Variants in TENM1 observed in about 807,000 individuals in gnomAD.
The protein encoded by TENM1 is teneurin-1.
A neutral mutation model predicts 174.8 loss-of-function variants in TENM1; 35 were observed. The observed-to-expected ratio is 0.20, with a 90% CI of 0.15 to 0.27. The LOEUF is 0.27. Among genes scored for constraint, TENM1 ranks in the 10% least tolerant of loss-of-function variants. TENM1 has a pLI of 1.00. For synonymous variants in TENM1, 781 were observed against 798.7 expected (o/e 0.98, Z 0.37); for missense variants, 1,633 against 2,130.1 (o/e 0.77, Z 4.59).
chrX:125,052,567 C>A, the TENM1 span, among the ~76,000 whole-genome samples: 1 of 111,702 alleles, frequency 9.0e-6, no homozygotes, highest in African/African-American at 3.2e-5. Flanking sequence ...GCCACACAAC[C>A]AAATATCTAA....
At chrX:125,098,425 TA>T in the TENM1 span, among the ~76,000 whole-genome samples, 2 of 112,099 alleles carry the variant, frequency 1.8e-5, no homozygotes, top group East Asian at 5.6e-4. Context: ...AATTTACTTT[TA>T]AATAGCATTG....
chrX:124,714,221 A>T (rs1050368125), intron 4 of TENM1, among the ~76,000 whole-genome samples: 1 of 111,493 alleles, frequency 9.0e-6, no homozygotes, highest in South Asian at 3.8e-4. Context: ...AGGTTACACA[A>T]TTGGTAAAAG....
At chrX:125,159,492 T>C in the TENM1 span, among the ~76,000 whole-genome samples, 2 of 112,047 alleles carry the variant, frequency 1.8e-5, no homozygotes. Flanking sequence ...CAGTAACCAA[T>C]AGATCAGCCC....
chrX:124,786,136 T>C (rs1028834286), intron 3 of TENM1, among the ~76,000 whole-genome samples: 3 of 111,571 alleles, frequency 2.7e-5, no homozygotes, highest in African/African-American at 9.7e-5. Flanking sequence ...ACTATGATAT[T>C]ATCTTATTTG....
At chrX:124,954,289 A>T (rs764120659) in intron 1 of TENM1, among the ~76,000 whole-genome samples, 9 of 110,509 alleles carry the variant, frequency 8.1e-5, no homozygotes, top group Non-Finnish European at 1.7e-4. Flanking sequence ...GGAAAGAGGG[A>T]GTTTTACAGA....
Position 124,588,942 on chromosome X carries a change from A to T in TENM1, c.2078-23382T>A, listed in dbSNP as rs1016284379. On this transcript the variant is annotated intron_variant, in intron 11 of 31. Coordinates refer to ENST00000422452, the Ensembl canonical transcript of TENM1. Reference sequence around the variant, plus strand: ...TAGCACTTATAGTACTATGTTAAATAGGAGTGGTGAGAGTGGGCATCCTTG... The same window carrying T: ...TAGCACTTATAGTACTATGTTAAATTGGAGTGGTGAGAGTGGGCATCCTTG... Among the ~76,000 whole-genome samples the T allele has an allele frequency of 2.7e-5, 3 of 110,752 alleles. No individual in the cohort carries two copies. The South Asian group carries it at 1.2e-3, about 44-fold the overall frequency.
chrX:124,788,225 G>T (rs1207971155), intron 3 of TENM1, among the ~76,000 whole-genome samples: 1 of 110,769 alleles, frequency 9.0e-6, no homozygotes, highest in South Asian at 3.9e-4. Context: ...ACATAAACTA[G>T]CAGGAAAGAC....
chrX:125,034,184 A>G, the TENM1 span, among the ~76,000 whole-genome samples: 1 of 111,696 alleles, frequency 9.0e-6, no homozygotes, highest in Non-Finnish European at 1.9e-5. Flanking sequence ...TTGTTGCTTC[A>G]CAGACAGGAA....
chrX:124,572,103 T>G (rs2049067699), intron 11 of TENM1, among the ~76,000 whole-genome samples: 1 of 110,707 alleles, frequency 9.0e-6, no homozygotes, highest in South Asian at 3.9e-4. Context: ...AACTGATTTC[T>G]TAATAGGCCA....
chrX:124,706,509 C>T (rs1315787824), intron 4 of TENM1, among the ~76,000 whole-genome samples: 1 of 111,095 alleles, frequency 9.0e-6, no homozygotes, highest in Non-Finnish European at 1.9e-5. Flanking sequence ...CATGTTTTTG[C>T]CACCATACAT....
chrX:124,845,562 C>T (rs766562107), intron 3 of TENM1, among the ~76,000 whole-genome samples: 1 of 111,482 alleles, frequency 9.0e-6, no homozygotes, highest in Admixed American at 9.6e-5. Context: ...TCCTGTATTC[C>T]GAGCATCAGA....
the TENM1 span, among the ~76,000 whole-genome samples, chrX:125,104,054 A>G: frequency 1.2e-4 from 14 of 112,393 alleles, no homozygotes; most frequent in East Asian, 3.9e-3. Flanking sequence ...TAGAAAATAT[A>G]AACGAATCAG....
chrX:124,834,060 G>A (rs1399926346), intron 3 of TENM1, among the ~76,000 whole-genome samples: 1 of 111,289 alleles, frequency 9.0e-6, no homozygotes, highest in Non-Finnish European at 1.9e-5. Flanking sequence ...CCATGCCTGG[G>A]GCAATTGTTG....
chrX:124,565,336 T>C (rs745947346), intron 12 of TENM1, 39 bp downstream of exon 15: 2 of 1,079,986 alleles, frequency 1.9e-6, no homozygotes, highest in Non-Finnish European at 1.2e-6. Flanking sequence ...TAACTTCAAC[T>C]AATCCAACTT....
chrX:124,988,154 C>T, the TENM1 span, among the ~76,000 whole-genome samples: 4 of 111,585 alleles, frequency 3.6e-5, no homozygotes, highest in South Asian at 1.5e-3. Flanking sequence ...GAAGTGCTGG[C>T]TATGGAAACT....
intron 11 of TENM1, among the ~76,000 whole-genome samples, chrX:124,607,190 T>G (rs16302): frequency 0.31 from 34,714 of 110,346 alleles, 4,095 homozygotes; most frequent in East Asian, 0.69. Context: ...TTTTCTACTT[T>G]TGTGGAGCTT....
intron 12 of TENM1, among the ~76,000 whole-genome samples, 166 bp from the exon 16 acceptor site, chrX:124,563,938 GAAT>G (rs1379292867): frequency 9.0e-6 from 1 of 111,639 alleles, no homozygotes; most frequent in African/African-American, 3.3e-5. Context: ...TGTAGTTTGT[GAAT>G]AATATTTTCT....
intron 14 of TENM1, among the ~76,000 whole-genome samples, chrX:124,559,727 G>T (rs2048771584): frequency 9.0e-6 from 1 of 111,383 alleles, no homozygotes; most frequent in Non-Finnish European, 1.9e-5. Flanking sequence ...CACATAAGGG[G>T]CTCAGCACAG....
At chrX:124,862,361 A>C (rs1489184532) in intron 3 of TENM1, among the ~76,000 whole-genome samples, 1 of 111,613 alleles carries the variant, frequency 9.0e-6, no homozygotes, top group Non-Finnish European at 1.9e-5. Flanking sequence ...GCGGCACTGA[A>C]GAGATAGAAA....
Sources: gnomAD v4.1 joint callset for allele counts (sites outside exome capture counted in the v4.1 genomes callset) on GRCh38, gnomAD v4.1.1 for gene constraint, MANE v1.5 for transcripts, NCBI Gene and HGNC (gene_info 2026-07-23, HGNC 2026-07-21) for gene names.